SAE1: variants seen among roughly 807,000 people sequenced by gnomAD.
The protein encoded by SAE1 is SUMO-activating enzyme subunit 1.
A neutral mutation model predicts 40.6 loss-of-function variants in SAE1; 11 were observed. The observed-to-expected ratio is 0.27, with a 90% CI of 0.17 to 0.45. SAE1 has a LOEUF of 0.45. SAE1 is among the 20% of genes least tolerant of loss of function. SAE1 has a pLI of 1.00. For synonymous variants in SAE1, 155 were observed against 154.3 expected (o/e 1.00, Z -0.03); for missense variants, 373 against 427.3 (o/e 0.87, Z 1.12).
chr19:47,137,610 G>A (rs1027820962), intron 1 of SAE1, among the ~76,000 whole-genome samples: 6 of 151,544 alleles, frequency 4.0e-5, no homozygotes, highest in African/African-American at 9.7e-5. Context: ...GGATTCTCCC[G>A]CCTCAGCCCC....
At chr19:47,186,646 C>G (rs2058546197) in intron 6 of SAE1, among the ~76,000 whole-genome samples, 1 of 152,076 alleles carries the variant, frequency 6.6e-6, no homozygotes, top group South Asian at 2.1e-4. Context: ...CTCCTTTTCC[C>G]CATCAACAAC....
intron 6 of SAE1, among the ~76,000 whole-genome samples, chr19:47,192,164 A>G (rs890870521): frequency 2.6e-5 from 4 of 152,124 alleles, no homozygotes; most frequent in African/African-American, 7.2e-5. Flanking sequence ...AACATTTCAC[A>G]TGGCTTAGCA....
intron 2 of SAE1, among the ~76,000 whole-genome samples, chr19:47,147,214 T>G (rs1257475031): frequency 1.4e-5 from 2 of 139,892 alleles, no homozygotes; most frequent in African/African-American, 2.7e-5. Context: ...TTTTTTTTTT[T>G]TTTTTTTTTT....
intron 3 of SAE1, among the ~76,000 whole-genome samples, chr19:47,151,450 C>T (rs1314514531): frequency 6.6e-6 from 1 of 151,290 alleles, no homozygotes; most frequent in African/African-American, 2.4e-5. Context: ...TGCACCTGGC[C>T]TGTTTTTTAC....
intron 1 of SAE1, among the ~76,000 whole-genome samples, chr19:47,133,002 A>G (rs1311929158): frequency 6.6e-6 from 1 of 152,170 alleles, no homozygotes; most frequent in African/African-American, 2.4e-5. Flanking sequence ...AAGAGGTAAC[A>G]TTGAGCCTCA....
chr19:47,168,536 A>G (rs570692900), intron 5 of SAE1, among the ~76,000 whole-genome samples: 10 of 152,114 alleles, frequency 6.6e-5, no homozygotes, highest in Non-Finnish European at 1.3e-4. Flanking sequence ...TCAGGTGATC[A>G]TGCCACTTTG....
At chr19:47,202,230 T>C (rs2058659648) in intron 7 of SAE1, among the ~76,000 whole-genome samples, 1 of 152,158 alleles carries the variant, frequency 6.6e-6, no homozygotes, top group South Asian at 2.1e-4. Flanking sequence ...TGTCCCTCAA[T>C]AGGTTATAGA....
chr19:47,155,058 T>TC, intron 4 of SAE1, 56 bp from the exon 5 acceptor site: 1 of 1,126,820 alleles, frequency 8.9e-7, no homozygotes, highest in Non-Finnish European at 1.3e-6. Flanking sequence ...TTTTTTTGAT[T>TC]CCAATAACAT....
rs149640513 is a variant in SAE1 at position 47,174,466 on chromosome 19, G to A, written c.733+4543G>A. ...GGCTGGAGTGCAATGGTGCGATCTC[G>A]GTTCACCACAACCTCCACCTCCCAG... On this transcript the variant is annotated intron_variant, in intron 6 of 8. Coordinates refer to ENST00000270225, the MANE Select transcript of SAE1 (RefSeq NM_005500.3). Among the ~76,000 whole-genome samples, 570 of 150,522 alleles carry A rather than the reference G, an allele frequency of 3.8e-3. 2 individuals are homozygous for A. The highest frequency in any genetic ancestry group is 0.013 in the African/African-American group (535 of 40,994).
At chr19:47,147,950 T>TGG (rs2058264834) in intron 2 of SAE1, among the ~76,000 whole-genome samples, 1 of 151,708 alleles carries the variant, frequency 6.6e-6, no homozygotes, top group South Asian at 2.1e-4. Context: ...TTAGTAGAGA[T>TGG]GGGGTTTCAC....
chr19:47,171,077 C>T (rs552192406), intron 6 of SAE1, among the ~76,000 whole-genome samples: 5 of 151,792 alleles, frequency 3.3e-5, no homozygotes, highest in South Asian at 2.1e-4. Context: ...TGGGTTCAAG[C>T]GATTCTTCTG....
At chr19:47,165,278 C>T (rs535427231) in intron 5 of SAE1, among the ~76,000 whole-genome samples, 15 of 150,906 alleles carry the variant, frequency 9.9e-5, no homozygotes, top group African/African-American at 1.7e-4. Flanking sequence ...TTAGTGGAGA[C>T]GGGGTTTCAC....
intron 6 of SAE1, among the ~76,000 whole-genome samples, chr19:47,189,182 C>T (rs1296333297): frequency 2.6e-5 from 4 of 152,164 alleles, no homozygotes; most frequent in African/African-American, 9.7e-5. Flanking sequence ...CCATACTTTG[C>T]AATTTTTCTG....
At chr19:47,174,142 A>G (rs1473499935) in intron 6 of SAE1, among the ~76,000 whole-genome samples, 1 of 151,968 alleles carries the variant, frequency 6.6e-6, no homozygotes, top group East Asian at 1.9e-4. Context: ...ATGAGTGCCT[A>G]TGACCCTTTG....
At chr19:47,197,682 A>G (rs184596033) in intron 7 of SAE1, among the ~76,000 whole-genome samples, 28 of 152,226 alleles carry the variant, frequency 1.8e-4, no homozygotes, top group Non-Finnish European at 2.9e-4. Flanking sequence ...TCTCTTGGGG[A>G]CATCTCCAGA....
intron 6 of SAE1, among the ~76,000 whole-genome samples, chr19:47,182,516 C>T (rs1387107462): frequency 1.3e-5 from 2 of 151,608 alleles, no homozygotes; most frequent in Non-Finnish European, 2.9e-5. Context: ...CACGCGCGCG[C>T]GCACACCACT....
chr19:47,140,396 G>A (rs952663242), intron 1 of SAE1, among the ~76,000 whole-genome samples: 7 of 151,848 alleles, frequency 4.6e-5, no homozygotes, highest in East Asian at 1.9e-4. Context: ...GTGAGCCACC[G>A]TGCCCAGCCC....
At chr19:47,178,559 C>T (rs533216573) in intron 6 of SAE1, among the ~76,000 whole-genome samples, 3 of 152,280 alleles carry the variant, frequency 2.0e-5, no homozygotes, top group South Asian at 2.1e-4. Context: ...TTGCAACCTC[C>T]GCCTTTTGGA....
chr19:47,134,062 C>T (rs942313760), intron 1 of SAE1, among the ~76,000 whole-genome samples: 1 of 151,932 alleles, frequency 6.6e-6, no homozygotes, highest in South Asian at 2.1e-4. Context: ...GGAGTTTCAC[C>T]GTGTTGGTCA....
Sources: allele counts gnomAD v4.1 joint callset (sites outside exome capture counted in the v4.1 genomes callset), GRCh38; gene constraint gnomAD v4.1.1; transcripts MANE v1.5; gene names NCBI Gene and HGNC (gene_info 2026-07-23, HGNC 2026-07-21).